The following KLRF1 variants were observed in gnomAD, a reference collection of about 807,000 sequenced individuals.
KLRF1 encodes killer cell lectin like receptor F1.
A neutral mutation model predicts 30.7 loss-of-function variants in KLRF1; 27 were observed. That is an observed-to-expected ratio of 0.88 (90% CI 0.65 to 1.21). The LOEUF is 1.21. Ranked by LOEUF, KLRF1 falls within the 50% of genes most tolerant of loss-of-function variation. The pLI, the probability that KLRF1 is intolerant of heterozygous loss-of-function variation, is 0.00. For synonymous variants in KLRF1, 92 were observed against 89.3 expected (o/e 1.03, Z -0.17); for missense variants, 246 against 259.3 (o/e 0.95, Z 0.35).
At chr12:9,825,254 T>C (rs1056113446), upstream of KLRF1, among the ~76,000 whole-genome samples, 5 of 76,022 alleles carry the variant, frequency 6.6e-5, no homozygotes, top group African/African-American at 2.2e-4. Flanking sequence ...AATAACAAGG[T>C]ACTGGTAAAA....
chr12:9,821,544 G>T, the KLRF1 span, among the ~76,000 whole-genome samples: 1 of 152,186 alleles, frequency 6.6e-6, no homozygotes, highest in African/African-American at 2.4e-5. Flanking sequence ...TGGGCAGACT[G>T]CACTGAGCAA....
At chr12:9,825,722 G>C (rs560442823), upstream of KLRF1, among the ~76,000 whole-genome samples, 1 of 152,166 alleles carries the variant, frequency 6.6e-6, no homozygotes, top group Non-Finnish European at 1.5e-5. Flanking sequence ...TATCAACAGA[G>C]TGAACAGATA....
At chr12:9,832,746 T>C (rs1297315412) in intron 2 of KLRF1, among the ~76,000 whole-genome samples, 1 of 152,026 alleles carries the variant, frequency 6.6e-6, no homozygotes, top group Non-Finnish European at 1.5e-5. Context: ...GATACTTTAA[T>C]AGATAAAATT....
chr12:9,826,819 A>C (rs1867291253), upstream of KLRF1, among the ~76,000 whole-genome samples: 1 of 152,166 alleles, frequency 6.6e-6, no homozygotes, highest in Admixed American at 6.5e-5. Context: ...GATCTAAATG[A>C]TGAGAACACA....
the KLRF1 span, among the ~76,000 whole-genome samples, chr12:9,816,157 G>A: frequency 7.1e-4 from 108 of 152,278 alleles, no homozygotes; most frequent in African/African-American, 2.4e-3. Context: ...AATGACTGCG[G>A]AGCCCAACGT....
chr12:9,823,654 G>A (rs957697586), upstream of KLRF1, among the ~76,000 whole-genome samples: 1 of 151,834 alleles, frequency 6.6e-6, no homozygotes, highest in Non-Finnish European at 1.5e-5. Flanking sequence ...TGAACGGAAA[G>A]AGATTGAGAT....
the KLRF1 span, among the ~76,000 whole-genome samples, chr12:9,809,461 G>A: frequency 2.6e-5 from 4 of 152,062 alleles, no homozygotes; most frequent in Non-Finnish European, 5.9e-5. Context: ...ACAGGGATTT[G>A]AATTAGTTGA....
chr12:9,812,405 T>C, the KLRF1 span, among the ~76,000 whole-genome samples: 1 of 149,148 alleles, frequency 6.7e-6, no homozygotes, highest in Non-Finnish European at 1.5e-5. Flanking sequence ...GGGTTCTTTT[T>C]CCAATCTGAG....
the KLRF1 span, among the ~76,000 whole-genome samples, chr12:9,806,359 A>AT: frequency 6.6e-6 from 1 of 152,038 alleles, no homozygotes; most frequent in East Asian, 1.9e-4. Flanking sequence ...ATCTTTTTTG[A>AT]TATCTAATTT....
intron 1 of KLRF1, among the ~76,000 whole-genome samples, chr12:9,828,698 G>A (rs1347841232): frequency 6.6e-6 from 1 of 152,066 alleles, no homozygotes; most frequent in Admixed American, 6.6e-5. Context: ...ATCCATCAGT[G>A]ATTCATCTTA....
chr12:9,807,736 A>G, the KLRF1 span, among the ~76,000 whole-genome samples: 2 of 152,102 alleles, frequency 1.3e-5, no homozygotes, highest in African/African-American at 4.8e-5. Flanking sequence ...TCTGCTATCA[A>G]TGGCTTTTCT....
In KLRF1 at chr12:9,829,083, T is replaced by TA. The variant is rs1364353430; in HGVS notation, c.85+1454_85+1455insA. Among the ~76,000 whole-genome samples, 25 of 152,340 alleles carry TA rather than the reference T, an allele frequency of 1.6e-4. 1 individual carries two copies. The highest frequency in any genetic ancestry group is 5.8e-4 in the African/African-American group (24 of 41,582). ...GATGTTCATTCATTTAACTTAATTT[T>TA]GTGATGACATATTTGTAAATCTTTT... On this transcript the variant is annotated intron_variant, in intron 1 of 5. Transcript: ENST00000617889.
In KLRF1 at chr12:9,838,148, C is replaced by T. The variant is rs192558120; in HGVS notation, c.335-3664C>T. 8.5e-5 allele frequency among the ~76,000 whole-genome samples: 13 copies of T among 152,210 alleles called. No individual in the cohort carries two copies. In the East Asian group the frequency reaches 1.7e-3, roughly 20 times the overall value. ...CTGCACCTCCCTCTGTATCCATGAA[C>T]GGCAGGATCCTGCTCCCACATAGGG... On this transcript the variant is annotated intron_variant, in intron 3 of 5. Coordinates refer to ENST00000617889, the MANE Select transcript of KLRF1 (RefSeq NM_016523.3).
chr12:9,844,279 A>G (rs1867764340), intron 5 of KLRF1, 139 bp from the exon 6 acceptor site: 3 of 541,594 alleles, frequency 5.5e-6, no homozygotes, highest in Admixed American at 3.3e-5. Context: ...AGTTACTGTA[A>G]TCGTTAGTGA....
upstream of KLRF1, among the ~76,000 whole-genome samples, chr12:9,823,519 G>A (rs375351728): frequency 2.7e-4 from 41 of 152,064 alleles, no homozygotes; most frequent in Non-Finnish European, 4.6e-4. Context: ...AGCGCTAAAC[G>A]CCTACACAAA....
chr12:9,811,811 A>G, the KLRF1 span, among the ~76,000 whole-genome samples: 1 of 152,210 alleles, frequency 6.6e-6, no homozygotes, highest in Non-Finnish European at 1.5e-5. Flanking sequence ...TTTTACATAC[A>G]TACTGAGCAG....
chr12:9,827,761 C>T, intron 1 of KLRF1, 132 bp downstream of exon 1: 1 of 493,774 alleles, frequency 2.0e-6, no homozygotes, highest in East Asian at 3.3e-5. Context: ...ATCTCTCTCA[C>T]CTGTCCTCTC....
the KLRF1 span, among the ~76,000 whole-genome samples, chr12:9,816,294 T>G: frequency 1.3e-5 from 2 of 152,206 alleles, no homozygotes; most frequent in Non-Finnish European, 2.9e-5. Flanking sequence ...AGGAGACAAT[T>G]TTCAAGTGAA....
chr12:9,832,162 T>C (rs1424880039), intron 1 of KLRF1, among the ~76,000 whole-genome samples, 154 bp from the exon 2 acceptor site: 2 of 152,194 alleles, frequency 1.3e-5, no homozygotes. Flanking sequence ...TAAATGTATA[T>C]ATTTTTCTAT....
Sources: gnomAD v4.1 joint callset for allele counts (sites outside exome capture counted in the v4.1 genomes callset) on GRCh38, gnomAD v4.1.1 for gene constraint, MANE v1.5 for transcripts, NCBI Gene and HGNC (gene_info 2026-07-23, HGNC 2026-07-21) for gene names.